The following L3HYPDH variants were observed in gnomAD, a reference collection of about 807,000 sequenced individuals.
L3HYPDH encodes trans-L-3-hydroxyproline dehydratase, also known as trans-3-hydroxy-L-proline dehydratase.
L3HYPDH carries 32 observed loss-of-function variants against 26.5 expected under a neutral mutation model. The observed-to-expected ratio is 1.21, with a 90% CI of 0.91 to 1.62. The LOEUF (loss-of-function observed/expected upper bound fraction) is 1.62. Among genes scored for constraint, L3HYPDH ranks in the 40% most tolerant of loss-of-function variants. The probability of loss-of-function intolerance (pLI) is 0.00; values close to 1 mark genes in which losing one functional copy is unlikely to be tolerated. For synonymous variants in L3HYPDH, 215 were observed against 196.6 expected, an observed-to-expected ratio of 1.09 and a Z score of -0.78; for missense variants, 554 against 476.4, an observed-to-expected ratio of 1.16 and a Z score of -1.52.
At chr14:59,486,845 T>G (rs778042666), upstream of L3HYPDH, 8 of 1,282,634 alleles carry the variant, frequency 6.2e-6, no homozygotes, top group East Asian at 1.7e-4. Context: ...TTGTAAAATC[T>G]ATTTGCTTTT....
chr14:59,480,770 T>C (rs933985549), intron 1 of L3HYPDH, among the ~76,000 whole-genome samples: 2 of 152,134 alleles, frequency 1.3e-5, no homozygotes, highest in Admixed American at 6.5e-5. Context: ...ATGCTGTGGA[T>C]TGTAACAACA....
upstream of L3HYPDH, chr14:59,486,548 G>A (rs1300747248): frequency 3.3e-6 from 2 of 610,012 alleles, no homozygotes; most frequent in South Asian, 2.0e-5. Flanking sequence ...CAGTGTCACA[G>A]TGTAAAAGGA....
At chr14:59,489,476 A>G in the L3HYPDH span, among the ~76,000 whole-genome samples, 1 of 152,162 alleles carries the variant, frequency 6.6e-6, no homozygotes, top group South Asian at 2.1e-4. Flanking sequence ...TTCACTGTCT[A>G]CATTTCTGTC....
chr14:59,495,370 G>T, the L3HYPDH span: 1 of 601,806 alleles, frequency 1.7e-6, no homozygotes, highest in Non-Finnish European at 3.0e-6. Context: ...CATGTAAACA[G>T]CCTCTTGTAA....
intron 1 of L3HYPDH, among the ~76,000 whole-genome samples, chr14:59,467,223 G>A (rs1446405604): frequency 1.3e-5 from 2 of 152,192 alleles, no homozygotes; most frequent in Non-Finnish European, 1.5e-5. Flanking sequence ...AAAAAAAGAA[G>A]AAAGGGAAAG....
chr14:59,470,132 C>G (rs1041727449), downstream of L3HYPDH, among the ~76,000 whole-genome samples: 21 of 152,242 alleles, frequency 1.4e-4, no homozygotes, highest in African/African-American at 4.8e-4. Flanking sequence ...GAGCGCTATC[C>G]TTTACCTCCA....
downstream of L3HYPDH, among the ~76,000 whole-genome samples, chr14:59,467,838 TAA>T (rs568705275): frequency 6.4e-4 from 98 of 152,252 alleles, no homozygotes; most frequent in African/African-American, 2.3e-3. Context: ...GCCAAAAACT[TAA>T]GAGTTTTCCT....
At chr14:59,494,870 C>A in the L3HYPDH span, 4 of 618,136 alleles carry the variant, frequency 6.5e-6, no homozygotes, top group East Asian at 1.1e-4. Flanking sequence ...TGTTATTTAT[C>A]CCTTTTGAGA....
chr14:59,483,734 C>T, intron 1 of L3HYPDH, 75 bp downstream of exon 1: 8 of 1,538,926 alleles, frequency 5.2e-6, no homozygotes, highest in Non-Finnish European at 5.2e-6. Context: ...AGTTCCAGCC[C>T]AGAAAAACCG....
At chr14:59,469,808 GAATCT>G (rs1889269274), downstream of L3HYPDH, among the ~76,000 whole-genome samples, 1 of 152,140 alleles carries the variant, frequency 6.6e-6, no homozygotes. Context: ...TCTAAGTACT[GAATCT>G]ACAGTATGGC....
chr14:59,473,443 C>T (rs978702318), intron 4 of L3HYPDH, among the ~76,000 whole-genome samples: 2 of 152,082 alleles, frequency 1.3e-5, no homozygotes, highest in Non-Finnish European at 2.9e-5. Context: ...ACTGATAGGC[C>T]TCTTGATCAA....
chr14:59,482,433 C>T (rs1480432782), intron 1 of L3HYPDH, among the ~76,000 whole-genome samples: 1 of 152,098 alleles, frequency 6.6e-6, no homozygotes, highest in African/African-American at 2.4e-5. Context: ...CCTAACTGAC[C>T]CAGAAATGAG....
At chr14:59,496,183 G>C in the L3HYPDH span, among the ~76,000 whole-genome samples, 1 of 152,134 alleles carries the variant, frequency 6.6e-6, no homozygotes, top group South Asian at 2.1e-4. Context: ...TGGGATTACA[G>C]GCGTGAGCCA....
At chr14:59,504,348 G>T in the L3HYPDH span, 2 of 379,272 alleles carry the variant, frequency 5.3e-6, no homozygotes, top group South Asian at 1.0e-4. Flanking sequence ...CTGTTCTTTA[G>T]GGCAAAATCA....
At chr14:59,475,835 C>A in intron 4 of L3HYPDH, 34 bp downstream of exon 4, 1 of 1,588,704 alleles carries the variant, frequency 6.3e-7, no homozygotes, top group Non-Finnish European at 8.6e-7. Flanking sequence ...ATGAGTGACA[C>A]ATTTATAAAT....
chr14:59,504,007 T>C, the L3HYPDH span: 2 of 1,613,856 alleles, frequency 1.2e-6, no homozygotes, highest in South Asian at 1.1e-5. Flanking sequence ...AGCCCTTTTT[T>C]ACTTGTTCAC....
intron 2 of L3HYPDH, 110 bp downstream of exon 2, chr14:59,479,071 AG>A: frequency 1.2e-6 from 1 of 822,446 alleles, no homozygotes. Flanking sequence ...CCCTATTCTT[AG>A]TACTATTAAT....
chr14:59,492,292 A>T, the L3HYPDH span, among the ~76,000 whole-genome samples: 1 of 152,144 alleles, frequency 6.6e-6, no homozygotes, highest in African/African-American at 2.4e-5. Context: ...AGTTGAAGAT[A>T]GAATTAGTGA....
upstream of L3HYPDH, chr14:59,484,438 G>C (rs1890337340): frequency 7.3e-7 from 1 of 1,371,422 alleles, no homozygotes; most frequent in East Asian, 2.4e-5. Flanking sequence ...GCGGGGTCTC[G>C]GAGCCTAAAC....
Sources: gnomAD v4.1 joint callset for allele counts (sites outside exome capture counted in the v4.1 genomes callset) on GRCh38, gnomAD v4.1.1 for gene constraint, MANE v1.5 for transcripts, NCBI Gene and HGNC (gene_info 2026-07-23, HGNC 2026-07-21) for gene names.